Variants in PDE1C observed in about 807,000 individuals in gnomAD.
The protein encoded by PDE1C is dual specificity calcium/calmodulin-dependent 3',5'-cyclic nucleotide phosphodiesterase 1C.
In PDE1C, 62 loss-of-function variants were observed where a neutral mutation model predicts 93.1. The ratio of observed to expected loss-of-function variants is 0.67; its 90% confidence interval spans 0.54 to 0.82. The LOEUF is 0.82. Ranked by LOEUF, PDE1C falls within the 40% of genes least tolerant of loss-of-function variation. The pLI is 0.00. For synonymous variants in PDE1C, 325 were observed against 310.1 expected (o/e 1.05, Z -0.50); for missense variants, 742 against 884.6 (o/e 0.84, Z 2.04).
intron 1 of PDE1C, among the ~76,000 whole-genome samples, chr7:32,275,017 CT>C (rs1470622104): frequency 6.6e-6 from 1 of 152,194 alleles, no homozygotes; most frequent in Non-Finnish European, 1.5e-5. Context: ...CTAGAACACA[CT>C]GATCAAATTA....
chr7:32,070,617 G>A (rs1328435954), upstream of PDE1C: 3 of 1,414,386 alleles, frequency 2.1e-6, no homozygotes, highest in African/African-American at 2.9e-5. Context: ...GCGGGAACCA[G>A]CCATGGTCCC....
intron 2 of PDE1C, chr7:32,209,461 G>A (rs763066851): frequency 5.1e-6 from 8 of 1,553,912 alleles, no homozygotes; most frequent in Non-Finnish European, 6.1e-6. Context: ...ATGGAGACCA[G>A]GAAAGGAGTG....
chr7:32,170,342 C>T (rs1802563285), intron 2 of PDE1C, among the ~76,000 whole-genome samples: 2 of 152,096 alleles, frequency 1.3e-5, no homozygotes, highest in Non-Finnish European at 1.5e-5. Flanking sequence ...CTTGCTGAAG[C>T]CCAAGACTCC....
chr7:32,224,988 T>C (rs1807146965), intron 1 of PDE1C, among the ~76,000 whole-genome samples: 1 of 151,214 alleles, frequency 6.6e-6, no homozygotes, highest in Non-Finnish European at 1.5e-5. Context: ...AACTTGGGCA[T>C]CTGATTGGAC....
chr7:32,005,629 T>C (rs1487346734), intron 2 of PDE1C, among the ~76,000 whole-genome samples: 1 of 150,146 alleles, frequency 6.7e-6, no homozygotes, highest in African/African-American at 2.5e-5. Flanking sequence ...TCCAGAATTT[T>C]AACTGTGTAA....
intron 1 of PDE1C, among the ~76,000 whole-genome samples, chr7:32,327,430 C>T (rs1453081172): frequency 1.3e-5 from 2 of 152,166 alleles, no homozygotes; most frequent in African/African-American, 2.4e-5. Flanking sequence ...TCACTGCCAT[C>T]CCAAAGGTAA....
At chr7:32,086,166 T>C (rs36198838) in intron 3 of PDE1C, among the ~76,000 whole-genome samples, 67,905 of 117,784 alleles carry the variant, frequency 0.58, 20,572 homozygotes, top group African/African-American at 0.67. Flanking sequence ...TCTCAGGATA[T>C]AAAATCAATG....
chr7:32,218,482 GCAGCC>G, intron 1 of PDE1C, among the ~76,000 whole-genome samples: 1 of 152,342 alleles, frequency 6.6e-6, no homozygotes, highest in Middle Eastern at 3.4e-3. Context: ...CCTGGCTCGT[GCAGCC>G]CAGGGTATCA....
chr7:31,955,241 C>A (rs1294927148), intron 2 of PDE1C, among the ~76,000 whole-genome samples: 1 of 152,142 alleles, frequency 6.6e-6, no homozygotes, highest in East Asian at 1.9e-4. Context: ...ATGCACAATT[C>A]AATGTGGCTT....
intron 2 of PDE1C, among the ~76,000 whole-genome samples, chr7:32,191,663 AAAAAG>A (rs2128821223): frequency 6.6e-6 from 1 of 152,320 alleles, no homozygotes; most frequent in African/African-American, 2.4e-5. Flanking sequence ...GCTACTACGG[AAAAAG>A]CTGCTATAAG....
intron 1 of PDE1C, among the ~76,000 whole-genome samples, chr7:32,392,286 G>T (rs1425201118): frequency 6.6e-6 from 1 of 152,126 alleles, no homozygotes; most frequent in African/African-American, 2.4e-5. Context: ...GTAATAAATT[G>T]AATTCATAGT....
intron 2 of PDE1C, among the ~76,000 whole-genome samples, chr7:31,893,876 G>C (rs562274925): frequency 1.3e-5 from 2 of 152,198 alleles, no homozygotes; most frequent in African/African-American, 4.8e-5. Flanking sequence ...CTCAAGAACA[G>C]CATGAGCCTC....
intron 2 of PDE1C, among the ~76,000 whole-genome samples, chr7:32,185,307 T>A (rs1418834109): frequency 2.0e-5 from 3 of 151,460 alleles, no homozygotes; most frequent in Non-Finnish European, 4.4e-5. Context: ...CTCAGATAGG[T>A]TCTATTTGGT....
intron 3 of PDE1C, among the ~76,000 whole-genome samples, chr7:32,128,347 TTTGA>T (rs1799706914): frequency 6.6e-6 from 1 of 151,714 alleles, no homozygotes; most frequent in African/African-American, 2.4e-5. Flanking sequence ...AATTGAGAAG[TTTGA>T]TTTTCTCAGA....
At chr7:32,202,370 A>G (rs1034547544) in intron 2 of PDE1C, among the ~76,000 whole-genome samples, 1 of 152,152 alleles carries the variant, frequency 6.6e-6, no homozygotes, top group African/African-American at 2.4e-5. Flanking sequence ...CACAACCACC[A>G]ATGCTTTCCA....
the PDE1C span, among the ~76,000 whole-genome samples, chr7:31,720,400 G>T: frequency 6.6e-6 from 1 of 152,142 alleles, no homozygotes. Context: ...CCCTTCCACT[G>T]CCTACATCGT....
chr7:31,974,959 A>C (rs972162794), intron 2 of PDE1C, among the ~76,000 whole-genome samples: 1 of 152,230 alleles, frequency 6.6e-6, no homozygotes, highest in Non-Finnish European at 1.5e-5. Context: ...CTTCTGAACA[A>C]AGGCCGAGTT....
intron 1 of PDE1C, among the ~76,000 whole-genome samples, chr7:32,311,104 A>G (rs1783028397): frequency 1.3e-5 from 2 of 152,228 alleles, no homozygotes; most frequent in African/African-American, 2.4e-5. Flanking sequence ...ACAAACTACC[A>G]TCAGAGAATA....
chr7:32,377,303 T>C lies in PDE1C; in HGVS notation c.310+50519A>G, dbSNP rs1784450202. Among the ~76,000 whole-genome samples the C allele has an allele frequency of 2.0e-5, 3 of 152,322 alleles. No individual in the cohort carries two copies. In the South Asian group the frequency reaches 6.2e-4, roughly 32 times the overall value. On this transcript the variant is annotated intron_variant, in intron 1 of 1. Transcript: ENST00000672256. ...CTCACCCCTCTCACCAAAGCCAGCA[T>C]TGATGCTTCCCTCTGTTTTCCCAAA...
Sources: gnomAD v4.1 joint callset for allele counts (sites outside exome capture counted in the v4.1 genomes callset) on GRCh38, gnomAD v4.1.1 for gene constraint, MANE v1.5 for transcripts, NCBI Gene and HGNC (gene_info 2026-07-23, HGNC 2026-07-21) for gene names.